Variants in RAB10 observed in about 807,000 individuals in gnomAD.
RAB10 encodes the protein RAB10, member RAS oncogene family, also known as ras-related protein Rab-10.
A neutral mutation model predicts 25.7 loss-of-function variants in RAB10; 5 were observed. The ratio of observed to expected loss-of-function variants is 0.19; its 90% CI spans 0.10 to 0.41. The LOEUF is 0.41. RAB10 is among the 10% of genes least tolerant of loss of function. The pLI is 1.00. For synonymous variants in RAB10, 89 were observed against 86.4 expected (o/e 1.03, Z -0.16); for missense variants, 103 against 245.8 (o/e 0.42, Z 3.89).
At chr2:26,087,319 G>A (rs1456071761) in intron 1 of RAB10, among the ~76,000 whole-genome samples, 4 of 152,136 alleles carry the variant, frequency 2.6e-5, no homozygotes, top group Non-Finnish European at 5.9e-5. Context: ...TAGTGAGACA[G>A]TATATGTGAA....
At chr2:26,084,056 C>A (rs1666925605) in intron 1 of RAB10, among the ~76,000 whole-genome samples, 1 of 152,128 alleles carries the variant, frequency 6.6e-6, no homozygotes, top group Admixed American at 6.5e-5. Flanking sequence ...TCAAAATGCT[C>A]CCTGTGTTTC....
In RAB10 at chr2:26,041,859, G is replaced by A. The variant is rs547319633; in HGVS notation, c.127+7124G>A. Among the ~76,000 whole-genome samples, 9 of 152,258 alleles carry A rather than the reference G, an allele frequency of 5.9e-5. No individual in the cohort carries two copies. The South Asian group carries it at 6.2e-4, about 11-fold the overall frequency. ...GCGGAGGTTGCGGTGAGCCGAGATC[G>A]TGCCATTGTAATCCAACCTGGGCAA... On this transcript the variant is annotated intron_variant, in intron 1 of 5. Transcript: ENST00000264710.
chr2:26,089,485 G>A (rs570239592), intron 1 of RAB10, among the ~76,000 whole-genome samples: 12 of 151,684 alleles, frequency 7.9e-5, no homozygotes, highest in Admixed American at 7.2e-4. Flanking sequence ...TGGAGAGAAT[G>A]CATTTGTAAA....
chr2:26,092,261 CTGTGTGTGTGTGTG>C (rs56875863), intron 1 of RAB10, among the ~76,000 whole-genome samples: 4,559 of 130,806 alleles, frequency 0.035, 105 homozygotes, highest in Middle Eastern at 0.078. Flanking sequence ...ATAGTGAGAG[CTGTGTGTGTGTGTG>C]TGTGTGTGTG....
At chr2:26,041,902 C>T (rs1413588203) in intron 1 of RAB10, among the ~76,000 whole-genome samples, 1 of 151,368 alleles carries the variant, frequency 6.6e-6, no homozygotes, top group Non-Finnish European at 1.5e-5. Flanking sequence ...AAAACTCTGT[C>T]TCAAAAAAAA....
chr2:26,133,027 C>T (rs1668040444), intron 5 of RAB10, among the ~76,000 whole-genome samples: 1 of 151,970 alleles, frequency 6.6e-6, no homozygotes, highest in African/African-American at 2.4e-5. Flanking sequence ...CTTTTTAATG[C>T]ATAATTTGCT....
chr2:26,034,948 TGCTCAG>T (rs1665732317), intron 1 of RAB10, among the ~76,000 whole-genome samples: 1 of 152,240 alleles, frequency 6.6e-6, no homozygotes, highest in Non-Finnish European at 1.5e-5. Context: ...TCTCCCACTA[TGCTCAG>T]TGCCTTCTGT....
chr2:26,045,266 GTC>G (rs1665976527), intron 1 of RAB10, among the ~76,000 whole-genome samples: 1 of 149,010 alleles, frequency 6.7e-6, no homozygotes, highest in Non-Finnish European at 1.5e-5. Context: ...TTGAGACAGA[GTC>G]TCGTTCTGTC....
At chr2:26,102,890 T>C (rs1312923323) in intron 2 of RAB10, among the ~76,000 whole-genome samples, 1 of 152,206 alleles carries the variant, frequency 6.6e-6, no homozygotes, top group Non-Finnish European at 1.5e-5. Flanking sequence ...AAATATTAAC[T>C]TGAGAGCTCT....
rs760797226 is a variant in RAB10, at chr2:26,127,161, G to C, written c.345G>C (p.Val115=). 1.9e-6 allele frequency: 3 copies of C among 1,598,536 alleles called. No homozygotes were observed. The highest frequency in any genetic ancestry group is 2.6e-6 in the Non-Finnish European group (3 of 1,175,964). The change falls in exon 4 of 6, where the codon GTG becomes GTC. Residue 115 remains valine, a synonymous_variant. Transcript: ENST00000264710. ...RNIDEHANED[V]ERMLLGNKCD... Reference sequence around the variant, plus strand: ...CATTTTAGCATGCCAATGAAGATGTGGAAAGAATGTTACTAGGAAACAAGT... The same window carrying C: ...CATTTTAGCATGCCAATGAAGATGTCGAAAGAATGTTACTAGGAAACAAGT...
At chr2:26,084,711 T>TCTTTCGTAGTTCTG (rs11267660) in intron 1 of RAB10, among the ~76,000 whole-genome samples, 1 of 151,950 alleles carries the variant, frequency 6.6e-6, no homozygotes, top group South Asian at 2.1e-4. Context: ...TTTTACCCCT[T>TCTTTCGTAGTTCTG]CAGTTTCAGT....
intron 1 of RAB10, among the ~76,000 whole-genome samples, chr2:26,044,587 C>T (rs1020839577): frequency 8.6e-5 from 13 of 151,676 alleles, no homozygotes; most frequent in East Asian, 1.9e-4. Context: ...CTTTTGTTCC[C>T]GAGGCTGGAG....
At chr2:26,074,694 C>T (rs948152379) in intron 1 of RAB10, among the ~76,000 whole-genome samples, 3 of 152,218 alleles carry the variant, frequency 2.0e-5, no homozygotes, top group African/African-American at 7.2e-5. Context: ...GCTGGGATTA[C>T]AGGCGTGAGC....
intron 1 of RAB10, among the ~76,000 whole-genome samples, chr2:26,053,553 A>G (rs1379764904): frequency 6.6e-6 from 1 of 152,226 alleles, no homozygotes; most frequent in Non-Finnish European, 1.5e-5. Context: ...AGCATTTGGC[A>G]TTGAATAATA....
chr2:26,052,066 A>G (rs146414728), intron 1 of RAB10, among the ~76,000 whole-genome samples: 1 of 151,604 alleles, frequency 6.6e-6, no homozygotes, highest in African/African-American at 2.4e-5. Context: ...CAAAAAAAAA[A>G]AAACAAAAAG....
At chr2:26,127,735 T>C (rs1295239172) in intron 4 of RAB10, 115 bp from the exon 5 acceptor site, 3 of 691,154 alleles carry the variant, frequency 4.3e-6, no homozygotes, top group South Asian at 1.8e-5. Context: ...TTCTGTGTTA[T>C]ATATTCTAGT....
chr2:26,071,221 G>A (rs1480092983), intron 1 of RAB10, among the ~76,000 whole-genome samples: 3 of 152,172 alleles, frequency 2.0e-5, no homozygotes, highest in Non-Finnish European at 2.9e-5. Context: ...GTTGTCTCAA[G>A]CAAAGGCACT....
intron 2 of RAB10, among the ~76,000 whole-genome samples, chr2:26,108,555 T>C (rs1667511021): frequency 1.3e-5 from 2 of 152,212 alleles, no homozygotes; most frequent in South Asian, 4.1e-4. Context: ...GTTACACAAA[T>C]CTGTACATGT....
chr2:26,104,385 T>C (rs978903745), intron 2 of RAB10, among the ~76,000 whole-genome samples: 1 of 152,272 alleles, frequency 6.6e-6, no homozygotes, highest in African/African-American at 2.4e-5. Flanking sequence ...CTTCTTTGGA[T>C]AAATGCCTGT....
Sources: allele counts gnomAD v4.1 joint callset (sites outside exome capture counted in the v4.1 genomes callset), GRCh38; gene constraint gnomAD v4.1.1; transcripts MANE v1.5; gene names NCBI Gene and HGNC (gene_info 2026-07-23, HGNC 2026-07-21).